SGCG: variants seen among roughly 807,000 people sequenced by gnomAD.
The protein encoded by SGCG is sarcoglycan gamma.
Under a neutral mutation model 29.3 loss-of-function variants are expected in SGCG, and 26 were observed. That is an observed-to-expected ratio of 0.89 (90% CI 0.65 to 1.23). SGCG has a LOEUF of 1.23. Ranked by LOEUF, SGCG falls within the 50% of genes most tolerant of loss-of-function variation. The pLI, the probability that SGCG is intolerant of heterozygous loss-of-function variation, is 0.00. For synonymous variants in SGCG, 145 were observed against 129.7 expected (o/e 1.12, Z -0.80); for missense variants, 353 against 356.0 (o/e 0.99, Z 0.07).
intron 5 of SGCG, among the ~76,000 whole-genome samples, chr13:23,288,443 A>G (rs757707509): frequency 6.6e-6 from 1 of 151,978 alleles, no homozygotes; most frequent in Non-Finnish European, 1.5e-5. Flanking sequence ...AATTAAGACA[A>G]TTGCTGTTGC....
intron 5 of SGCG, among the ~76,000 whole-genome samples, chr13:23,292,785 G>A (rs1368762509): frequency 6.6e-6 from 1 of 152,112 alleles, no homozygotes; most frequent in Non-Finnish European, 1.5e-5. Context: ...GCTCACTCTA[G>A]TTTCGTGATA....
At chr13:23,320,020 T>C (rs973162292) in intron 6 of SGCG, among the ~76,000 whole-genome samples, 2 of 152,246 alleles carry the variant, frequency 1.3e-5, no homozygotes, top group East Asian at 1.9e-4. Flanking sequence ...AAGAAATCTT[T>C]CCATTTGCCC....
chr13:23,285,316 G>A lies in SGCG; in HGVS notation c.505+5838G>A, dbSNP rs914887255. On this transcript the variant is annotated intron_variant, in intron 5 of 7. Transcript: ENST00000218867. ...CAGAGATGCCCTGCCCAGAGAGGAG[G>A]AATCTAGAGAGGCTGTCTGGCTACA... Among the ~76,000 whole-genome samples, 6 of 152,302 alleles carry A rather than the reference G, an allele frequency of 3.9e-5. No homozygotes were observed. The East Asian group carries it at 1.2e-3, about 29-fold the overall frequency.
intron 2 of SGCG, among the ~76,000 whole-genome samples, chr13:23,227,290 T>A (rs1395818071): frequency 6.9e-6 from 1 of 144,522 alleles, no homozygotes; most frequent in Non-Finnish European, 1.5e-5. Flanking sequence ...AAGAAAAAAA[T>A]TCATTATACA....
chr13:23,215,446 G>C (rs968026929), intron 2 of SGCG, among the ~76,000 whole-genome samples: 5 of 152,052 alleles, frequency 3.3e-5, no homozygotes, highest in African/African-American at 1.2e-4. Context: ...AAGAATATTA[G>C]CTTAGGATTC....
intron 1 of SGCG, among the ~76,000 whole-genome samples, chr13:23,195,427 C>T (rs2137487194): frequency 6.6e-6 from 1 of 151,682 alleles, no homozygotes; most frequent in Non-Finnish European, 1.5e-5. Flanking sequence ...ATTTGTAGGC[C>T]TGTGGGTTTG....
At chr13:23,236,262 TC>T (rs1282398704) in intron 3 of SGCG, among the ~76,000 whole-genome samples, 1 of 152,148 alleles carries the variant, frequency 6.6e-6, no homozygotes, top group African/African-American at 2.4e-5. Context: ...TCTTCTTTTT[TC>T]CCCAGAGTTG....
chr13:23,200,828 A>G (rs1288043648), intron 1 of SGCG, among the ~76,000 whole-genome samples: 2 of 152,156 alleles, frequency 1.3e-5, no homozygotes, highest in Non-Finnish European at 2.9e-5. Context: ...AGTGGGAATT[A>G]TAACTGTGGA....
intron 4 of SGCG, among the ~76,000 whole-genome samples, chr13:23,260,624 C>A (rs961457675): frequency 2.6e-5 from 4 of 152,118 alleles, no homozygotes; most frequent in Admixed American, 6.5e-5. Flanking sequence ...TTAGTTGATG[C>A]AGTTTCTTGC....
chr13:23,305,819 G>T (rs992918148), intron 6 of SGCG, among the ~76,000 whole-genome samples: 2 of 152,118 alleles, frequency 1.3e-5, no homozygotes, highest in Non-Finnish European at 2.9e-5. Flanking sequence ...AACCAATCTT[G>T]CATTCTGAGA....
intron 1 of SGCG, among the ~76,000 whole-genome samples, chr13:23,196,719 G>A (rs974283789): frequency 1.3e-5 from 2 of 151,226 alleles, no homozygotes; most frequent in African/African-American, 4.9e-5. Flanking sequence ...CTGCCATGGT[G>A]TTCTTTGTGC....
At chr13:23,166,006 C>T in the SGCG span, among the ~76,000 whole-genome samples, 1 of 152,108 alleles carries the variant, frequency 6.6e-6, no homozygotes, top group Non-Finnish European at 1.5e-5. Context: ...TTAGTTCTTC[C>T]TTTCTAATCT....
At chr13:23,282,533 C>T (rs897378792) in intron 5 of SGCG, among the ~76,000 whole-genome samples, 21 of 152,138 alleles carry the variant, frequency 1.4e-4, no homozygotes, top group African/African-American at 4.8e-4. Context: ...CTCTATGTGT[C>T]CACATGTTCT....
upstream of SGCG, among the ~76,000 whole-genome samples, chr13:23,179,899 G>A (rs1876674074): frequency 6.6e-6 from 1 of 151,954 alleles, no homozygotes. Flanking sequence ...TTTCAGGTTC[G>A]AGGGGTACAT....
At chr13:23,162,802 C>G in the SGCG span, among the ~76,000 whole-genome samples, 2 of 151,956 alleles carry the variant, frequency 1.3e-5, no homozygotes, top group Non-Finnish European at 2.9e-5. Context: ...TGCACTCCAG[C>G]CTGGGCGATA....
At chr13:23,229,476 T>C (rs1879025315) in intron 2 of SGCG, among the ~76,000 whole-genome samples, 1 of 152,226 alleles carries the variant, frequency 6.6e-6, no homozygotes, top group African/African-American at 2.4e-5. Flanking sequence ...TATTTTTCAC[T>C]TTTTAATAAT....
chr13:23,189,329 A>C (rs1877144732), intron 1 of SGCG, among the ~76,000 whole-genome samples: 1 of 152,096 alleles, frequency 6.6e-6, no homozygotes, highest in African/African-American at 2.4e-5. Flanking sequence ...GGTGCATGCC[A>C]CCACGCCTGG....
intron 1 of SGCG, among the ~76,000 whole-genome samples, chr13:23,182,234 A>T (rs1876767540): frequency 6.6e-6 from 1 of 152,228 alleles, no homozygotes; most frequent in Non-Finnish European, 1.5e-5. Flanking sequence ...GTTGTAAATT[A>T]TAGTGGGTTC....
chr13:23,300,652 A>G (rs1593099145), intron 6 of SGCG, among the ~76,000 whole-genome samples: 1 of 152,128 alleles, frequency 6.6e-6, no homozygotes, highest in Non-Finnish European at 1.5e-5. Context: ...CGGTATAGGA[A>G]CTCCGAGGTG....
Sources: allele counts gnomAD v4.1 joint callset (sites outside exome capture counted in the v4.1 genomes callset), GRCh38; gene constraint gnomAD v4.1.1; transcripts MANE v1.5; gene names NCBI Gene and HGNC (gene_info 2026-07-23, HGNC 2026-07-21).